KHDRBS2: variants seen among roughly 807,000 people sequenced by gnomAD.
KHDRBS2 encodes KH RNA binding domain containing, signal transduction associated 2, also known as KH domain-containing, RNA-binding, signal transduction-associated protein 2.
A neutral mutation model predicts 44.3 loss-of-function variants in KHDRBS2; 26 were observed. The ratio of observed to expected loss-of-function variants is 0.59; its 90% CI spans 0.43 to 0.81. The LOEUF (loss-of-function observed/expected upper bound fraction) is 0.81, where lower values mean the gene tolerates loss of function less well. KHDRBS2 is among the 40% of genes least tolerant of loss of function. The pLI is 0.00. For missense variants in KHDRBS2, 476 were observed against 433.1 expected (o/e 1.10, Z -0.88); for synonymous variants, 194 against 151.1 (o/e 1.28, Z -2.08).
At chr6:62,280,390 A>G (rs1841633751) in intron 1 of KHDRBS2, among the ~76,000 whole-genome samples, 1 of 152,116 alleles carries the variant, frequency 6.6e-6, no homozygotes, top group South Asian at 2.1e-4. Flanking sequence ...AGGAAGTAAA[A>G]CCAGTAGAAT....
chr6:62,118,048 T>A (rs1456217456), intron 2 of KHDRBS2, among the ~76,000 whole-genome samples: 1 of 152,182 alleles, frequency 6.6e-6, no homozygotes, highest in East Asian at 1.9e-4. Flanking sequence ...AGTGTTGAGA[T>A]TACAGGCGTG....
At chr6:62,116,058 T>A (rs1806138074) in intron 2 of KHDRBS2, among the ~76,000 whole-genome samples, 1 of 151,972 alleles carries the variant, frequency 6.6e-6, no homozygotes, top group African/African-American at 2.4e-5. Context: ...TATTTCATCA[T>A]CAAAATAGGA....
the KHDRBS2 span, among the ~76,000 whole-genome samples, chr6:61,589,791 T>C: frequency 6.6e-6 from 1 of 152,342 alleles, no homozygotes; most frequent in East Asian, 1.9e-4. Context: ...AAAATAATCT[T>C]TTTAGTGATA....
At chr6:61,564,656 C>T in the KHDRBS2 span, among the ~76,000 whole-genome samples, 1 of 152,048 alleles carries the variant, frequency 6.6e-6, no homozygotes. Flanking sequence ...ACTCCTGCCT[C>T]TGTTGCTCAT....
chr6:61,924,808 T>C (rs1808671801), intron 4 of KHDRBS2, among the ~76,000 whole-genome samples: 1 of 152,098 alleles, frequency 6.6e-6, no homozygotes, highest in Non-Finnish European at 1.5e-5. Flanking sequence ...TCCAAATAAA[T>C]ATGTTTTAAT....
At chr6:62,235,683 C>A (rs1383988740) in intron 1 of KHDRBS2, among the ~76,000 whole-genome samples, 1 of 151,958 alleles carries the variant, frequency 6.6e-6, no homozygotes, top group African/African-American at 2.4e-5. Context: ...AATAGAAAAA[C>A]ATTCTGAGTC....
chr6:61,748,393 T>A (rs766735222), intron 6 of KHDRBS2, among the ~76,000 whole-genome samples: 1 of 152,186 alleles, frequency 6.6e-6, no homozygotes, highest in Non-Finnish European at 1.5e-5. Context: ...TGCTTAGGGC[T>A]GATGACTTAG....
intron 2 of KHDRBS2, among the ~76,000 whole-genome samples, chr6:62,131,748 C>A (rs1810374189): frequency 6.6e-6 from 1 of 152,070 alleles, no homozygotes; most frequent in South Asian, 2.1e-4. Flanking sequence ...ATATCAGTCT[C>A]CCATAGCAGA....
intron 4 of KHDRBS2, among the ~76,000 whole-genome samples, chr6:61,937,268 C>G (rs1489805157): frequency 1.3e-5 from 2 of 151,856 alleles, no homozygotes; most frequent in Admixed American, 1.3e-4. Context: ...TGCAAAGCAT[C>G]CTTTTTCTTT....
chr6:61,960,882 G>A (rs1768537422), intron 4 of KHDRBS2, among the ~76,000 whole-genome samples: 1 of 152,078 alleles, frequency 6.6e-6, no homozygotes, highest in African/African-American at 2.4e-5. Flanking sequence ...ACTCTGCAAT[G>A]TTTTACCCAC....
intron 7 of KHDRBS2, among the ~76,000 whole-genome samples, chr6:61,713,815 G>A (rs1487064435): frequency 6.6e-6 from 1 of 151,460 alleles, no homozygotes; most frequent in Non-Finnish European, 1.5e-5. Context: ...CTTCAATAAA[G>A]GATGTTAGAA....
At chr6:61,835,554 G>T (rs1310688071) in intron 6 of KHDRBS2, among the ~76,000 whole-genome samples, 1 of 151,998 alleles carries the variant, frequency 6.6e-6, no homozygotes, top group Admixed American at 6.6e-5. Context: ...ACTACAGAAA[G>T]ACAAGGACTT....
chr6:61,846,188 A>G (rs1794378962), intron 6 of KHDRBS2, among the ~76,000 whole-genome samples: 1 of 152,168 alleles, frequency 6.6e-6, no homozygotes, highest in Non-Finnish European at 1.5e-5. Flanking sequence ...CTTTTCTTAT[A>G]CATTTCCCAG....
At chr6:61,960,887 A>C (rs950977145) in intron 4 of KHDRBS2, among the ~76,000 whole-genome samples, 1 of 152,120 alleles carries the variant, frequency 6.6e-6, no homozygotes, top group African/African-American at 2.4e-5. Context: ...GCAATGTTTT[A>C]CCCACTGAGT....
chr6:62,051,799 A>G (rs1201868358), intron 2 of KHDRBS2, among the ~76,000 whole-genome samples: 7 of 152,066 alleles, frequency 4.6e-5, no homozygotes, highest in East Asian at 1.9e-4. Flanking sequence ...TGGCAGAAAA[A>G]CCGATTTAAA....
At chr6:61,589,002 G>A in the KHDRBS2 span, among the ~76,000 whole-genome samples, 3 of 152,036 alleles carry the variant, frequency 2.0e-5, no homozygotes, top group Non-Finnish European at 4.4e-5. Flanking sequence ...ACTCATAAGT[G>A]GGAGTTGAAC....
the KHDRBS2 span, among the ~76,000 whole-genome samples, chr6:61,601,594 C>A: frequency 6.6e-6 from 1 of 152,032 alleles, no homozygotes; most frequent in African/African-American, 2.4e-5. Context: ...ACATCGGTAC[C>A]TCCCTAGTCT....
chr6:62,090,560 T>G (rs1200342991), intron 2 of KHDRBS2, among the ~76,000 whole-genome samples: 1 of 119,914 alleles, frequency 8.3e-6, no homozygotes. Flanking sequence ...AGGAAAGGTG[T>G]TTTTTTTTTT....
chr6:61,559,381 T>C, the KHDRBS2 span, among the ~76,000 whole-genome samples: 2 of 151,866 alleles, frequency 1.3e-5, no homozygotes, highest in Non-Finnish European at 2.9e-5. Flanking sequence ...AGCCAGTCTA[T>C]GTCTTTTAAT....
Sources: allele counts gnomAD v4.1 joint callset (sites outside exome capture counted in the v4.1 genomes callset), GRCh38; gene constraint gnomAD v4.1.1; transcripts MANE v1.5; gene names NCBI Gene and HGNC (gene_info 2026-07-23, HGNC 2026-07-21).